Variants in MMP25 observed in about 807,000 individuals in gnomAD.
MMP25 encodes the protein matrix metallopeptidase 25.
Under a neutral mutation model 62.1 loss-of-function variants are expected in MMP25, and 68 were observed. The observed-to-expected ratio is 1.10, with a 90% confidence interval of 0.90 to 1.34. The LOEUF is 1.34. MMP25 is among the 40% of genes most tolerant of loss of function. The probability of loss-of-function intolerance (pLI) is 0.00; values close to 1 mark genes in which losing one functional copy is unlikely to be tolerated. For missense variants in MMP25, 942 were observed against 792.5 expected (o/e 1.19, Z -2.26); for synonymous variants, 407 against 345.6 (o/e 1.18, Z -1.97).
At position 3,046,980 on chromosome 16, in the gene MMP25, C is replaced by A. The variant is rs1470544173; in HGVS notation, c.63C>A (p.Ala21=). 6.1e-6 allele frequency: 9 copies of A among 1,472,294 alleles called. No individual in the cohort carries two copies. The highest frequency in any genetic ancestry group is 8.0e-6 in the Non-Finnish European group (9 of 1,119,934). 91.2% of individuals were successfully genotyped at this position (1,472,294 alleles called of 1,614,324 possible). A position where few individuals can be genotyped will look rare whatever the true frequency, so the allele number is the denominator to read the frequency against. The change falls in exon 1 of 10, where the codon GCC becomes GCA. Residue 21 remains alanine (A), a synonymous_variant. Transcript: ENST00000336577. ...LLLLLAPPAR[A]PKPSAQDVSL... is the part of the protein sequence containing the mutation. ...TGCTGCTGGCACCGCCCGCGCGCGC[C>A]CCGAAGCCCTCGGCGCAGGACGTGA...
chr16:3,058,291 G>A lies in MMP25; in HGVS notation c.1117G>A (p.Ala373Thr). Reference protein sequence around the residue: ...LPAQVRVVQAAYARHRDGRIL... With the variant: ...LPAQVRVVQATYARHRDGRIL... ...CGCCCAGGTGAGGGTGGTGCAGGCCGCCTATGCTCGGCACCGAGACGGCCG... is the reference window on the plus strand; with the variant it reads ...CGCCCAGGTGAGGGTGGTGCAGGCCACCTATGCTCGGCACCGAGACGGCCG... Residue 373 changes from alanine to threonine, a missense_variant, in exon 8 of 10, where the codon GCC (alanine) becomes ACC (threonine). Ala to Thr is a moderately conservative substitution (Grantham distance 58). Coordinates refer to ENST00000336577, the MANE Select transcript of MMP25 (RefSeq NM_022468.5). The A allele has an allele frequency of 1.2e-6, 2 of 1,606,972 alleles. No individual in the cohort carries two copies. The highest frequency in any genetic ancestry group is 1.7e-6 in the Non-Finnish European group (2 of 1,178,066).
intron 4 of MMP25, among the ~76,000 whole-genome samples, chr16:3,055,427 A>G (rs1955989426): frequency 6.6e-6 from 1 of 152,008 alleles, no homozygotes; most frequent in Non-Finnish European, 1.5e-5. Context: ...GAGAACCTAC[A>G]GTCGACAGGG....
At chr16:3,052,845 TG>T (rs1297302205) in intron 4 of MMP25, 1 of 152,050 alleles carries the variant, frequency 6.6e-6, no homozygotes, top group Non-Finnish European at 1.5e-5. Flanking sequence ...TCCCCAGAGG[TG>T]GGGCTCCAGA....
intron 4 of MMP25, among the ~76,000 whole-genome samples, chr16:3,050,859 A>G (rs1226221340): frequency 6.6e-6 from 1 of 152,128 alleles, no homozygotes; most frequent in Non-Finnish European, 1.5e-5. Context: ...TTGCACGATC[A>G]CGGCTCACTG....
chr16:3,059,108 C>T lies in MMP25; in HGVS notation c.*10C>T, dbSNP rs930735629. ...TGTAGCCTCCCGCTGATGGGGGGAGCCATCCAGACCGAACAGCGCCCTCCA... is the reference window on the plus strand; with the variant it reads ...TGTAGCCTCCCGCTGATGGGGGGAGTCATCCAGACCGAACAGCGCCCTCCA... On this transcript the variant is annotated 3_prime_UTR_variant, in exon 10 of 10. Coordinates refer to ENST00000336577, the MANE Select transcript of MMP25 (RefSeq NM_022468.5). 10 of 1,528,356 alleles carry T rather than the reference C, an allele frequency of 6.5e-6. No homozygotes were observed. Among genetic ancestry groups the T allele is most frequent in the Middle Eastern group, 1.7e-4 (1 of 5,874 alleles). 94.7% of individuals were successfully genotyped at this position (1,528,356 alleles called of 1,614,324 possible).
chr16:3,047,092 C>G, intron 1 of MMP25, 76 bp downstream of exon 1: 1 of 1,348,256 alleles, frequency 7.4e-7, no homozygotes, highest in East Asian at 3.0e-5. Flanking sequence ...ACTCCTGGGT[C>G]CGGAGGAGGC....
chr16:3,059,297 T>G lies in MMP25; in HGVS notation c.*199T>G, dbSNP rs952167321. 7.4e-6 allele frequency: 4 copies of G among 542,542 alleles called. No homozygotes were observed. In the African/African-American group the frequency reaches 7.9e-5, roughly 11 times the overall value. The allele number at this position is 542,542 out of a possible 1,614,324, so 33.6% of individuals were successfully genotyped here. The stretch of plus-strand genomic sequence containing the variant: ...CGGTCGCCTGGCGCTGGGCTCAGTC[T>G]CCTCAGGGTCTGAGACCCCGGCGCT... On this transcript the variant is annotated 3_prime_UTR_variant, in exon 10 of 10. Transcript: ENST00000336577.
chr16:3,057,916 C>A, intron 7 of MMP25: 2 of 575,380 alleles, frequency 3.5e-6, no homozygotes, highest in East Asian at 6.0e-5. Context: ...ATTGCCCAGG[C>A]TGGGCTCAAT....
chr16:3,048,644 G>T (rs576659824), intron 2 of MMP25, among the ~76,000 whole-genome samples: 1 of 152,198 alleles, frequency 6.6e-6, no homozygotes, highest in Non-Finnish European at 1.5e-5. Flanking sequence ...CCCACGGCAC[G>T]CAGAAGCTTG....
chr16:3,058,451 G>T lies in MMP25; in HGVS notation c.1199G>T (p.Gly400Val). 1.3e-6 allele frequency: 2 copies of T among 1,592,542 alleles called. No homozygotes were observed. The highest frequency in any genetic ancestry group is 1.7e-6 in the Non-Finnish European group (2 of 1,170,586). ...FWVFQDRQLE[G>V]GARPLTELGL... ...GTGTTCCAGGACCGGCAGCTGGAGG[G>T]CGGGGCGCGGCCGCTCACGGAGCTG... Residue 400 changes from glycine to valine, a missense_variant, in exon 9 of 10, where the codon GGC (glycine) becomes GTC (valine). By Grantham distance (109) the Gly-to-Val change is moderately radical. Coordinates refer to ENST00000336577, the MANE Select transcript of MMP25 (RefSeq NM_022468.5).
At position 3,058,326 on chromosome 16, in the gene MMP25, C is replaced by G. The variant is rs755166512; in HGVS notation, c.1152C>G (p.Leu384=). Residue 384 remains leucine, a synonymous_variant, in exon 8 of 10, where the codon CTC becomes CTG. Transcript: ENST00000336577. ...YARHRDGRIL[L]FSGPQFWVFQ... ...GGCACCGAGACGGCCGAATCCTCCT[C>G]TTTAGCGGTGAGTGGGGCCGGCGGC... 3.8e-5 allele frequency: 60 copies of G among 1,575,526 alleles called. No individual in the cohort carries two copies. The African/African-American group carries it at 5.8e-4, about 15-fold the overall frequency.
At position 3,058,182 on chromosome 16, in the gene MMP25, C is replaced by G. The variant is rs746152409; in HGVS notation, c.1008C>G (p.Gly336=). The change falls in exon 8 of 10, where the codon GGC becomes GGG. Residue 336 remains glycine (G), a splice_region_variant and synonymous_variant. Coordinates refer to ENST00000336577, the MANE Select transcript of MMP25 (RefSeq NM_022468.5). ...TGCGAACCCCTTTGTCCCCTGCAGG[C>G]CCCTGGTTCTGGCGCCTCCAGCCCT... ...NIRGETFFFK[G]PWFWRLQPSG... 5.0e-6 allele frequency: 8 copies of G among 1,612,286 alleles called. 1 individual carries two copies. In the East Asian group the frequency reaches 1.8e-4, roughly 36 times the overall value.
At chr16:3,056,837 C>T (rs762709675) in intron 4 of MMP25, 196 bp from the exon 5 acceptor site, 52 of 561,704 alleles carry the variant, frequency 9.3e-5, no homozygotes, top group Non-Finnish European at 1.5e-4. Flanking sequence ...GTCCAGTGTC[C>T]ATCACAGCCA....
In MMP25 at chr16:3,057,348, A is replaced by G; in HGVS notation, c.877A>G (p.Lys293Glu). ...PQTPYDKPTR[K>E]PLAPPPQPPA... ...AACCCCATATGACAAGCCCACAAGGAAACCCCTGGCTCCTCCGCCCCAGCC... is the reference window on the plus strand; with the variant it reads ...AACCCCATATGACAAGCCCACAAGGGAACCCCTGGCTCCTCCGCCCCAGCC... The change falls in exon 6 of 10, where the codon AAA becomes GAA. Residue 293 changes from lysine to glutamate, a missense_variant. Physicochemically the swap from Lys to Glu is moderately conservative, Grantham distance 56. Transcript: ENST00000336577. The G allele has an allele frequency of 6.2e-7, 1 of 1,613,850 alleles. No individual in the cohort carries two copies. Among genetic ancestry groups the G allele is most frequent in the Non-Finnish European group, 8.5e-7 (1 of 1,179,910 alleles).
chr16:3,055,570 C>A (rs768778606), intron 4 of MMP25, among the ~76,000 whole-genome samples: 1 of 152,208 alleles, frequency 6.6e-6, no homozygotes, highest in Non-Finnish European at 1.5e-5. Context: ...GTAAAATGGG[C>A]ATAGGAGACA....
intron 4 of MMP25, chr16:3,053,349 G>C (rs1374712058): frequency 6.8e-6 from 1 of 147,596 alleles, no homozygotes; most frequent in Non-Finnish European, 1.5e-5. Context: ...CAGAAAAAGA[G>C]AATGTGGGCT....
intron 4 of MMP25, chr16:3,051,561 G>A (rs914118560): frequency 6.6e-6 from 1 of 152,158 alleles, no homozygotes; most frequent in African/African-American, 2.4e-5. Context: ...ACGACAGCCG[G>A]GCCAAACTGA....
rs1156670961 is a variant in MMP25, at chr16:3,050,019, A to G, written c.243A>G (p.Thr81=). The G allele has an allele frequency of 1.9e-6, 3 of 1,609,782 alleles. No individual in the cohort carries two copies. Among genetic ancestry groups the G allele is most frequent in the East Asian group, 4.5e-5 (2 of 44,880 alleles). ...LPETGRMDPG[T]VATMRKPRCS... ...AAATGTCTCCCGCAGACCCAGGGACAGTGGCCACCATGCGTAAGCCCCGCT... is the reference window on the plus strand; with the variant it reads ...AAATGTCTCCCGCAGACCCAGGGACGGTGGCCACCATGCGTAAGCCCCGCT... The change falls in exon 3 of 10, where the codon ACA becomes ACG. Residue 81 remains threonine, a synonymous_variant. Coordinates refer to ENST00000336577, the MANE Select transcript of MMP25 (RefSeq NM_022468.5).
In MMP25 at chr16:3,058,609, G is replaced by T; in HGVS notation, c.1357G>T (p.Asp453Tyr). 2 of 1,607,294 alleles carry T rather than the reference G, an allele frequency of 1.2e-6. No homozygotes were observed. Among genetic ancestry groups the T allele is most frequent in the Non-Finnish European group, 1.7e-6 (2 of 1,177,684 alleles). ...AARPDPGYPR[D>Y]LSLWEGAPPS... ...GCGCCCGGACCCCGGCTACCCTCGCGACCTGAGCCTCTGGGAAGGCGCGCC... is the reference window on the plus strand; with the variant it reads ...GCGCCCGGACCCCGGCTACCCTCGCTACCTGAGCCTCTGGGAAGGCGCGCC... The change falls in exon 9 of 10, where the codon GAC (aspartate) becomes TAC (tyrosine). Residue 453 changes from aspartate (D) to tyrosine (Y), a missense_variant. Coordinates refer to ENST00000336577, the MANE Select transcript of MMP25 (RefSeq NM_022468.5).
Sources: allele counts gnomAD v4.1 joint callset (sites outside exome capture counted in the v4.1 genomes callset), GRCh38; gene constraint gnomAD v4.1.1; transcripts MANE v1.5; gene names NCBI Gene and HGNC (gene_info 2026-07-23, HGNC 2026-07-21).